Variants in HEPACAM observed in about 807,000 individuals in gnomAD.
The protein encoded by HEPACAM is hepatocyte cell adhesion molecule.
HEPACAM carries 18 observed loss-of-function variants against 38.3 expected under a neutral mutation model. The observed-to-expected ratio is 0.47, with a 90% CI of 0.33 to 0.70. The LOEUF (loss-of-function observed/expected upper bound fraction) is 0.70. HEPACAM is among the 30% of genes least tolerant of loss of function. The pLI is 0.03. For missense variants in HEPACAM, 466 were observed against 563.0 expected, an observed-to-expected ratio of 0.83 and a Z score of 1.74; for synonymous variants, 216 against 243.1, an observed-to-expected ratio of 0.89 and a Z score of 1.04.
At chr11:124,932,952 TACAATGGGCTATC>T (rs1947296057) in intron 1 of HEPACAM, among the ~76,000 whole-genome samples, 1 of 152,146 alleles carries the variant, frequency 6.6e-6, no homozygotes, top group African/African-American at 2.4e-5. Flanking sequence ...AGTCTGAAAC[TACAATGGGCTATC>T]ACATAGTTAC....
intron 4 of HEPACAM, among the ~76,000 whole-genome samples, chr11:124,923,137 T>G (rs1947162006): frequency 6.6e-6 from 1 of 152,044 alleles, no homozygotes; most frequent in Non-Finnish European, 1.5e-5. Context: ...GGTTGGCCAG[T>G]GAAAAAACCT....
intron 1 of HEPACAM, among the ~76,000 whole-genome samples, chr11:124,935,111 T>C (rs1182846449): frequency 6.6e-6 from 1 of 152,148 alleles, no homozygotes; most frequent in Non-Finnish European, 1.5e-5. Context: ...AACCTCCCCC[T>C]GATATTCCCA....
chr11:124,933,175 T>TTA (rs1441199945), intron 1 of HEPACAM, among the ~76,000 whole-genome samples: 4 of 152,028 alleles, frequency 2.6e-5, no homozygotes, highest in African/African-American at 7.2e-5. Context: ...ATAACTTACA[T>TTA]TATAATTTTT....
chr11:124,924,049 TAAG>T lies in HEPACAM; in HGVS notation c.428-42_428-40del, dbSNP rs1262293619. On this transcript the variant is annotated intron_variant, in intron 2 of 6. Transcript: ENST00000298251. The surrounding 1 kb of genome is among the most constrained non-coding windows in gnomAD (Gnocchi z 4.4). Reference sequence around the variant, plus strand: ...ATGGGGGAGCCTGTAAGTCATTGGCTAAGAAGTGTCTCCCTTCCCCTTTTTAGC... The same window carrying T: ...ATGGGGGAGCCTGTAAGTCATTGGCTAAGTGTCTCCCTTCCCCTTTTTAGC... 1.9e-6 allele frequency: 3 copies of T among 1,575,732 alleles called. No homozygotes were observed. Among genetic ancestry groups the T allele is most frequent in the Admixed American group, 1.8e-5 (1 of 55,692 alleles).
rs1174200116 is a variant in HEPACAM at position 124,923,420 on chromosome 11, A to C, written c.723T>G (p.Leu241=). 1.2e-5 allele frequency: 20 copies of C among 1,610,480 alleles called. No homozygotes were observed. Among genetic ancestry groups the C allele is most frequent in the Non-Finnish European group, 1.6e-5 (19 of 1,177,006 alleles). The stretch of plus-strand genomic sequence containing the variant: ...TGCCTCCTGTAGACAAGATGATGTA[A>C]AGGGAGCTTCTTCCTAGGGAGAGAG... The part of the protein sequence containing the change: ...VKITVYRRSS[L]YIILSTGGIF... The change falls in exon 4 of 7, where the codon CTT becomes CTG. Residue 241 remains leucine, a synonymous_variant. Transcript: ENST00000298251.
chr11:124,921,263 A>C lies in HEPACAM; in HGVS notation c.1126T>G (p.Ser376Ala). The change falls in exon 7 of 7, where the codon TCG (serine) becomes GCG (alanine). Residue 376 changes from serine to alanine, a missense_variant. Coordinates refer to ENST00000298251, the MANE Select transcript of HEPACAM (RefSeq NM_152722.5). The surrounding 1 kb of genome is among the most constrained non-coding windows in gnomAD (Gnocchi z 4.6). Reference sequence around the variant, plus strand: ...GAGCTCGGGGCCCTGGGCGGCGACGAGTGTGTCCGGCCGGTGGCTGGGGAG... The same window carrying C: ...GAGCTCGGGGCCCTGGGCGGCGACGCGTGTGTCCGGCCGGTGGCTGGGGAG... ...ARSPATGRTH[S>A]SPPRAPSSPG... 1 of 1,399,740 alleles carries C rather than the reference A, an allele frequency of 7.1e-7. No individual in the cohort carries two copies. The highest frequency in any genetic ancestry group is 9.2e-7 in the Non-Finnish European group (1 of 1,082,658). The allele number at this position is 1,399,740 out of a possible 1,614,324, so 86.7% of individuals were successfully genotyped here. A position where few individuals can be genotyped will look rare whatever the true frequency, so the allele number is the denominator to read the frequency against.
chr11:124,935,897 C>A, intron 1 of HEPACAM, 25 bp downstream of exon 1: 3 of 1,608,234 alleles, frequency 1.9e-6, no homozygotes, highest in Non-Finnish European at 2.6e-6. Context: ...TTCTTCAGAC[C>A]CTTTCTTACC....
chr11:124,920,020 A>G lies in HEPACAM; in HGVS notation c.*1118T>C. On this transcript the variant is annotated 3_prime_UTR_variant, in exon 7 of 7. Transcript: ENST00000298251. ...TCTTTATTTTGATGTTAGTGTGATT[A>G]GGGAGTCTGCCCTTTTTCTGTGCCC... is the stretch of plus-strand genomic sequence containing the variant. 7.5e-6 allele frequency: 12 copies of G among 1,610,690 alleles called. No homozygotes were observed. The highest frequency in any genetic ancestry group is 1.0e-5 in the Non-Finnish European group (12 of 1,178,636).
At chr11:124,923,683 C>T (rs776814349) in intron 3 of HEPACAM, 46 bp downstream of exon 3, 11 of 1,610,674 alleles carry the variant, frequency 6.8e-6, no homozygotes, top group Non-Finnish European at 8.5e-6. Context: ...GGTCACCTGC[C>T]TCTTGGGGCT....
In HEPACAM at chr11:124,923,889, A is replaced by C. The variant is rs751441258; in HGVS notation, c.549T>G (p.Asp183Glu). Residue 183 changes from aspartate to glutamate, a missense_variant, in exon 3 of 7, where the codon GAT becomes GAG. Physicochemically the swap from Asp to Glu is conservative, Grantham distance 45. Transcript: ENST00000298251. ...GTKPSYTWLK[D>E]GKPLLNDSRM... ...TCGAGTCATTGAGGAGGGGCTTGCC[A>C]TCCTTCAGCCAGGTGTAGCTGGGCT... 6.2e-7 allele frequency: 1 copy of C among 1,613,916 alleles called. No homozygotes were observed. Among genetic ancestry groups the C allele is most frequent in the Non-Finnish European group, 8.5e-7 (1 of 1,180,018 alleles).
At chr11:124,931,203 A>G (rs1860804425) in intron 1 of HEPACAM, among the ~76,000 whole-genome samples, 1 of 152,182 alleles carries the variant, frequency 6.6e-6, no homozygotes, top group Non-Finnish European at 1.5e-5. Context: ...ATGGAAATAC[A>G]ATTTTAAACT....
Position 124,922,837 on chromosome 11 carries a change from C to T in HEPACAM, c.804-19G>A. On this transcript the variant is annotated intron_variant, in intron 4 of 6. Transcript: ENST00000298251. ...CTGTTTCCTGTGAATCAATTCAGCCCCACTATGAGCCGAATTATTGAATGT... is the reference window on the plus strand; with the variant it reads ...CTGTTTCCTGTGAATCAATTCAGCCTCACTATGAGCCGAATTATTGAATGT... 1 of 1,613,328 alleles carries T rather than the reference C, an allele frequency of 6.2e-7. No individual in the cohort carries two copies. Among genetic ancestry groups the T allele is most frequent in the South Asian group, 1.1e-5 (1 of 91,064 alleles).
At position 124,925,920 on chromosome 11, in the gene HEPACAM, G is replaced by C. The variant is rs114594101; in HGVS notation, c.86-851C>G. Among the ~76,000 whole-genome samples, 974 of 152,294 alleles carry C rather than the reference G, an allele frequency of 6.4e-3. 11 individuals carry two copies. The highest frequency in any genetic ancestry group is 0.022 in the African/African-American group (931 of 41,548). On this transcript the variant is annotated intron_variant, in intron 1 of 6. Coordinates refer to ENST00000298251, the MANE Select transcript of HEPACAM (RefSeq NM_152722.5). ...GTAAAATAAGGATAATAATAACAAG[G>C]CTGGGCGCGGTGGCTCACGCCTGTA...
Position 124,924,529 on chromosome 11 carries a change from A to T in HEPACAM, c.427+199T>A. ...AGTCAACATATGCAAAGCACTTAGA[A>T]TAGTTTCTGGCACATGGCAATCACT... On this transcript the variant is annotated intron_variant, in intron 2 of 6. Coordinates refer to ENST00000298251, the MANE Select transcript of HEPACAM (RefSeq NM_152722.5). This position sits in a 1 kb window ranked among gnomAD's most constrained non-coding sequence, Gnocchi z 4.4. The T allele has an allele frequency of 6.0e-6, 4 of 662,992 alleles. No individual in the cohort carries two copies. The highest frequency in any genetic ancestry group is 1.7e-5 in the South Asian group (1 of 59,242). The allele number at this position is 662,992 out of a possible 1,614,324, so 41.1% of individuals were successfully genotyped here. A position where few individuals can be genotyped will look rare whatever the true frequency, so the allele number is the denominator to read the frequency against.
chr11:124,923,204 A>C lies in HEPACAM; in HGVS notation c.803+136T>G, dbSNP rs745894158. ...TGGAGCACAAGATGCTGGTGCATACACAATGGAAGAATGGATCTCTCGGAA... is the reference window on the plus strand; with the variant it reads ...TGGAGCACAAGATGCTGGTGCATACCCAATGGAAGAATGGATCTCTCGGAA... On this transcript the variant is annotated intron_variant, in intron 4 of 6. Coordinates refer to ENST00000298251, the MANE Select transcript of HEPACAM (RefSeq NM_152722.5). 3 of 775,654 alleles carry C rather than the reference A, an allele frequency of 3.9e-6. No homozygotes were observed. The African/African-American group carries it at 5.1e-5, about 13-fold the overall frequency. The allele number at this position is 775,654 out of a possible 1,614,324, so 48.0% of individuals were successfully genotyped here.
chr11:124,927,349 CTT>C (rs201026909), intron 1 of HEPACAM, among the ~76,000 whole-genome samples: 21 of 143,264 alleles, frequency 1.5e-4, no homozygotes, highest in African/African-American at 4.3e-4. Flanking sequence ...TTAACTCTGA[CTT>C]TTTTTTTTTT....
In HEPACAM at chr11:124,920,727, CA is replaced by C; in HGVS notation, c.*410del. On this transcript the variant is annotated 3_prime_UTR_variant, in exon 7 of 7. Coordinates refer to ENST00000298251, the MANE Select transcript of HEPACAM (RefSeq NM_152722.5). The stretch of plus-strand genomic sequence containing the variant: ...AAAAAAAAGTGCCCCAGCACTCAGG[CA>C]TTTGTTCAGAGGGAAGGGTGGTGGG... 1 of 996,096 alleles carries C rather than the reference CA, an allele frequency of 1.0e-6. No individual in the cohort carries two copies. The highest frequency in any genetic ancestry group is 1.2e-6 in the Non-Finnish European group (1 of 836,884). The allele number at this position is 996,096 out of a possible 1,614,324, so 61.7% of individuals were successfully genotyped here.
At chr11:124,930,292 T>C (rs999749051) in intron 1 of HEPACAM, among the ~76,000 whole-genome samples, 1 of 152,350 alleles carries the variant, frequency 6.6e-6, no homozygotes, top group Non-Finnish European at 1.5e-5. Flanking sequence ...GCTGTTACTC[T>C]ATAGGTGCAT....
chr11:124,922,481 T>C, intron 5 of HEPACAM, 23 bp from the exon 6 acceptor site: 1 of 1,613,586 alleles, frequency 6.2e-7, no homozygotes. Context: ...GAGAAGCGGG[T>C]GGCTGGCCCA....
Sources: allele counts gnomAD v4.1 joint callset (sites outside exome capture counted in the v4.1 genomes callset), GRCh38; gene constraint gnomAD v4.1.1; non-coding constraint Gnocchi (gnomAD v3.1); transcripts MANE v1.5; gene names NCBI Gene and HGNC (gene_info 2026-07-23, HGNC 2026-07-21).